USP33: variants seen among roughly 807,000 people sequenced by gnomAD.
The protein encoded by USP33 is ubiquitin carboxyl-terminal hydrolase 33.
In USP33, 46 loss-of-function variants were observed where a neutral mutation model predicts 124.2. The ratio of observed to expected loss-of-function variants is 0.37; its 90% CI spans 0.29 to 0.47. The LOEUF (loss-of-function observed/expected upper bound fraction) is 0.47. USP33 is among the 20% of genes least tolerant of loss of function. USP33 has a pLI of 0.99. For missense variants in USP33, 851 were observed against 1,070.6 expected (o/e 0.79, Z 2.86); for synonymous variants, 350 against 352.3 (o/e 0.99, Z 0.07).
intron 1 of USP33, among the ~76,000 whole-genome samples, chr1:77,757,669 T>C (rs1416119227): frequency 1.3e-5 from 2 of 152,220 alleles, no homozygotes; most frequent in Non-Finnish European, 2.9e-5. Context: ...TTGTGAAGAG[T>C]CCACAGTCTT....
Position 77,723,928 on chromosome 1 carries a change from T to C in USP33, c.1277-485A>G, listed in dbSNP as rs574182828. On this transcript the variant is annotated intron_variant, in intron 11 of 23. Coordinates refer to ENST00000370794, the MANE Select transcript of USP33 (RefSeq NM_201624.3). ...ATCCACCCACTTCAGCCTCCCAAAG[T>C]ACTGAGATTACAGGCGTGAGCCACC... Among the ~76,000 whole-genome samples the C allele has an allele frequency of 2.0e-5, 3 of 152,040 alleles. No individual in the cohort carries two copies. In the South Asian group the frequency reaches 6.2e-4, roughly 32 times the overall value.
At chr1:77,759,506 C>T in intron 1 of USP33, 137 bp downstream of exon 1, 1 of 397,288 alleles carries the variant, frequency 2.5e-6, no homozygotes, top group Non-Finnish European at 4.4e-6. Flanking sequence ...GCGAACCCGC[C>T]GCCACCCAGG....
rs61750804 is a variant in USP33 at position 77,697,885 on chromosome 1, A to C, written c.2556T>G (p.Cys852Trp). Residue 852 changes from cysteine to tryptophan, a missense_variant, in exon 23 of 24, where the codon TGT becomes TGG. Transcript: ENST00000370794. ...TACCTTGCCTAAGCATCACATTACC[A>C]CATTTAGTGACTGCAATCTTAGTAT... ...IDNTKIAVTKCGNVMLRQGAD... is the reference protein window; with the variant it reads ...IDNTKIAVTKWGNVMLRQGAD... The C allele has an allele frequency of 6.2e-7, 1 of 1,611,014 alleles. No individual in the cohort carries two copies. The highest frequency in any genetic ancestry group is 8.5e-7 in the Non-Finnish European group (1 of 1,179,206).
chr1:77,714,590 G>A (rs765070597), intron 19 of USP33, 24 bp downstream of exon 19: 9 of 1,590,152 alleles, frequency 5.7e-6, no homozygotes, highest in South Asian at 2.3e-5. Flanking sequence ...TTCTACTACC[G>A]GTTTGCATTA....
intron 7 of USP33, among the ~76,000 whole-genome samples, chr1:77,732,953 C>G (rs1184701163): frequency 6.6e-6 from 1 of 151,846 alleles, no homozygotes; most frequent in African/African-American, 2.4e-5. Context: ...ACCACCACAC[C>G]CGGCTAATTT....
chr1:77,733,755 C>T (rs1470495644), intron 7 of USP33, among the ~76,000 whole-genome samples: 1 of 152,148 alleles, frequency 6.6e-6, no homozygotes, highest in Non-Finnish European at 1.5e-5. Flanking sequence ...ATCTGAAACA[C>T]TTCTGATTCC....
At chr1:77,753,498 A>T (rs887014140) in intron 1 of USP33, among the ~76,000 whole-genome samples, 6 of 152,202 alleles carry the variant, frequency 3.9e-5, no homozygotes, top group African/African-American at 1.4e-4. Context: ...AGCCAATCTT[A>T]ATGTTCGCAT....
chr1:77,737,494 T>C (rs1308945414), intron 5 of USP33, among the ~76,000 whole-genome samples: 1 of 152,242 alleles, frequency 6.6e-6, no homozygotes. Context: ...TTGCATGGCC[T>C]CCAATATTTT....
At chr1:77,697,983 T>C (rs775094856) in intron 22 of USP33, 52 bp from the exon 23 acceptor site, 1 of 1,509,934 alleles carries the variant, frequency 6.6e-7, no homozygotes, top group South Asian at 1.2e-5. Flanking sequence ...AACAAAAAAT[T>C]GCATAATTTT....
intron 22 of USP33, among the ~76,000 whole-genome samples, chr1:77,700,791 C>G (rs1369432223): frequency 6.6e-6 from 1 of 150,998 alleles, no homozygotes; most frequent in East Asian, 2.0e-4. Flanking sequence ...GCCTCCGCCT[C>G]GTGGATTCAA....
intron 1 of USP33, among the ~76,000 whole-genome samples, chr1:77,752,993 T>G (rs1680479503): frequency 6.6e-6 from 1 of 152,008 alleles, no homozygotes; most frequent in Non-Finnish European, 1.5e-5. Flanking sequence ...GCATGGGAAT[T>G]GCTGGAACCC....
chr1:77,729,983 ATTTTC>A, intron 8 of USP33, 45 bp from the exon 9 acceptor site: 2 of 1,515,010 alleles, frequency 1.3e-6, no homozygotes, highest in Non-Finnish European at 1.8e-6. Context: ...GTTATTTTTA[ATTTTC>A]ATTTTAAAAA....
chr1:77,741,257 T>A, intron 3 of USP33, 119 bp downstream of exon 3: 1 of 1,002,954 alleles, frequency 1.0e-6, no homozygotes, highest in South Asian at 1.9e-5. Flanking sequence ...AATGACCTTT[T>A]AAAAGCAAGT....
Position 77,723,367 on chromosome 1 carries a change from T to C in USP33, c.1353A>G (p.Thr451=). Residue 451 remains threonine (T), a synonymous_variant, in exon 12 of 24, where the codon ACA becomes ACG. Transcript: ENST00000370794. ...TCAGACACTGCACTGAACTAATGATTGTTCCATCAAATATGTCTGAAATAA... is the reference window on the plus strand; with the variant it reads ...TCAGACACTGCACTGAACTAATGATCGTTCCATCAAATATGTCTGAAATAA... ...RSVISDIFDG[T]IISSVQCLTC... is the part of the protein sequence containing the mutation. 1 of 1,613,428 alleles carries C rather than the reference T, an allele frequency of 6.2e-7. No homozygotes were observed. Among genetic ancestry groups the C allele is most frequent in the Non-Finnish European group, 8.5e-7 (1 of 1,179,702 alleles).
intron 5 of USP33, 84 bp from the exon 6 acceptor site, chr1:77,736,242 C>A: frequency 5.1e-6 from 4 of 781,794 alleles, no homozygotes; most frequent in South Asian, 4.9e-5. Flanking sequence ...AACATCTATA[C>A]CATAAAAATT....
At chr1:77,706,995 T>C (rs1286744229) in intron 21 of USP33, among the ~76,000 whole-genome samples, 2 of 152,096 alleles carry the variant, frequency 1.3e-5, no homozygotes, top group Non-Finnish European at 2.9e-5. Context: ...CCATTTTGAG[T>C]TTCTCATGTC....
intron 17 of USP33, among the ~76,000 whole-genome samples, chr1:77,716,678 T>C (rs1329812201): frequency 6.6e-6 from 1 of 151,976 alleles, no homozygotes; most frequent in Non-Finnish European, 1.5e-5. Context: ...TGAGATAAAC[T>C]CCCCACATTC....
At chr1:77,750,185 G>A (rs1680163403) in intron 1 of USP33, among the ~76,000 whole-genome samples, 1 of 152,098 alleles carries the variant, frequency 6.6e-6, no homozygotes, top group Non-Finnish European at 1.5e-5. Flanking sequence ...GTGCATAGTG[G>A]TGGGTGCCTG....
chr1:77,719,767 T>C (rs1391718375), intron 15 of USP33, among the ~76,000 whole-genome samples: 3 of 148,348 alleles, frequency 2.0e-5, no homozygotes, highest in African/African-American at 7.5e-5. Context: ...GCAGGGAAAA[T>C]TGCTTGAACC....
Sources: allele counts gnomAD v4.1 joint callset (sites outside exome capture counted in the v4.1 genomes callset), GRCh38; gene constraint gnomAD v4.1.1; transcripts MANE v1.5; gene names NCBI Gene and HGNC (gene_info 2026-07-23, HGNC 2026-07-21).